The following SLC45A2 variants were observed in gnomAD, a reference collection of about 807,000 sequenced individuals.
SLC45A2 encodes solute carrier family 45 member 2.
In SLC45A2, 36 loss-of-function variants were observed where a neutral mutation model predicts 45.5. That is an observed-to-expected ratio of 0.79 (90% CI 0.61 to 1.04). The LOEUF is 1.04. Among genes scored for constraint, SLC45A2 ranks in the 50% least tolerant of loss-of-function variants. The pLI, the probability that SLC45A2 is intolerant of heterozygous loss-of-function variation, is 0.00. For missense variants in SLC45A2, 719 were observed against 671.0 expected, an observed-to-expected ratio of 1.07 and a Z score of -0.79; for synonymous variants, 306 against 269.3, an observed-to-expected ratio of 1.14 and a Z score of -1.33.
chr5:33,965,311 T>C (rs182241576), intron 2 of SLC45A2, among the ~76,000 whole-genome samples: 2 of 152,240 alleles, frequency 1.3e-5, no homozygotes, highest in East Asian at 3.8e-4. Context: ...CAAACCTGAA[T>C]GTCAAGTACC....
intron 2 of SLC45A2, 107 bp downstream of exon 2, chr5:33,982,129 G>T (rs1393271070): frequency 7.9e-7 from 1 of 1,263,692 alleles, no homozygotes; most frequent in East Asian, 2.3e-5. Context: ...CCCATCAGCT[G>T]ACCCGTTCAT....
intron 2 of SLC45A2, chr5:33,970,811 G>A (rs3776553): frequency 0.097 from 27,650 of 285,660 alleles, 3,284 homozygotes; most frequent in African/African-American, 0.35. Context: ...AGGAGTTTAT[G>A]TGATGGTTAG....
At chr5:33,972,823 G>A (rs555254017) in intron 2 of SLC45A2, among the ~76,000 whole-genome samples, 3 of 152,118 alleles carry the variant, frequency 2.0e-5, no homozygotes, top group Admixed American at 1.3e-4. Context: ...TGCTAATATC[G>A]CATTTATTGC....
At chr5:33,967,749 G>T (rs1339822577) in intron 2 of SLC45A2, among the ~76,000 whole-genome samples, 1 of 150,684 alleles carries the variant, frequency 6.6e-6, no homozygotes, top group Non-Finnish European at 1.5e-5. Flanking sequence ...GGTTAACCAG[G>T]TTCATATTTA....
intron 1 of SLC45A2, 112 bp from the exon 2 acceptor site, chr5:33,982,524 C>CT (rs1455612980): frequency 1.0e-5 from 11 of 1,102,756 alleles, no homozygotes; most frequent in Middle Eastern, 2.0e-4. Flanking sequence ...TTTTATTTTG[C>CT]TTTTTTCCAA....
At chr5:33,946,876 C>T in intron 6 of SLC45A2, 1 of 1,375,264 alleles carries the variant, frequency 7.3e-7, no homozygotes, top group Non-Finnish European at 9.4e-7. Flanking sequence ...GCTGGTTTCT[C>T]AGCCTCACCA....
chr5:33,952,451 T>C (rs1396915170), intron 4 of SLC45A2, among the ~76,000 whole-genome samples: 1 of 151,680 alleles, frequency 6.6e-6, no homozygotes, highest in Admixed American at 6.6e-5. Context: ...GAGTGATGCA[T>C]TTACGTGTCC....
chr5:33,982,313 G>A lies in SLC45A2; in HGVS notation c.485C>T (p.Pro162Leu). 1 of 1,614,106 alleles carries A rather than the reference G, an allele frequency of 6.2e-7. No homozygotes were observed. The highest frequency in any genetic ancestry group is 1.1e-5 in the South Asian group (1 of 91,078). ...FDFAADFIDG[P>L]IKAYLFDVCS... ...GACATCAAATAAGTAGGCTTTGATGGGCCCATCAATGAAGTCGGCAGCAAA... is the reference window on the plus strand; with the variant it reads ...GACATCAAATAAGTAGGCTTTGATGAGCCCATCAATGAAGTCGGCAGCAAA... The change falls in exon 2 of 7, where the codon CCC becomes CTC. Residue 162 changes from proline to leucine, a missense_variant. By Grantham distance (98) the Pro-to-Leu change is moderately conservative. Transcript: ENST00000296589.
At chr5:33,971,968 C>T (rs760086687) in intron 2 of SLC45A2, 10 of 441,986 alleles carry the variant, frequency 2.3e-5, no homozygotes, top group Non-Finnish European at 4.1e-5. Flanking sequence ...TGGGGTTTCA[C>T]CATGGTGCCC....
chr5:33,962,253 T>C (rs568501456), intron 3 of SLC45A2, among the ~76,000 whole-genome samples: 8 of 152,322 alleles, frequency 5.3e-5, no homozygotes, highest in African/African-American at 1.9e-4. Context: ...GACTGGACAT[T>C]TGTCAGTTTT....
chr5:33,953,535 G>A (rs1007737347), intron 4 of SLC45A2, among the ~76,000 whole-genome samples: 11 of 151,678 alleles, frequency 7.3e-5, no homozygotes, highest in African/African-American at 2.7e-4. Flanking sequence ...CACCAGGCCT[G>A]CCCTAAAAGA....
intron 5 of SLC45A2, among the ~76,000 whole-genome samples, chr5:33,948,047 C>T (rs1751990787): frequency 6.6e-6 from 1 of 152,214 alleles, no homozygotes; most frequent in African/African-American, 2.4e-5. Flanking sequence ...CTCAAAACCC[C>T]AGCTTCCTCA....
chr5:33,954,585 T>C, intron 3 of SLC45A2, 81 bp from the exon 4 acceptor site: 3 of 1,578,618 alleles, frequency 1.9e-6, no homozygotes, highest in Non-Finnish European at 2.6e-6. Flanking sequence ...CACAGACATG[T>C]TATGTATTTG....
chr5:33,972,384 C>G (rs1478353510), intron 2 of SLC45A2: 1 of 371,784 alleles, frequency 2.7e-6, no homozygotes, highest in East Asian at 6.9e-5. Context: ...AATGAACGAG[C>G]AAGATTAGAC....
chr5:33,960,997 T>C (rs553940381), intron 3 of SLC45A2, among the ~76,000 whole-genome samples: 1 of 152,124 alleles, frequency 6.6e-6, no homozygotes, highest in Non-Finnish European at 1.5e-5. Flanking sequence ...AAATAACACA[T>C]AGGCACACTT....
chr5:33,961,471 T>A (rs978632382), intron 3 of SLC45A2, among the ~76,000 whole-genome samples: 6 of 152,148 alleles, frequency 3.9e-5, no homozygotes, highest in East Asian at 1.9e-4. Context: ...TTAAAAAAAA[T>A]TTTTTATGTC....
chr5:33,983,316 T>C (rs1429032398), intron 1 of SLC45A2, among the ~76,000 whole-genome samples: 1 of 152,198 alleles, frequency 6.6e-6, no homozygotes, highest in African/African-American at 2.4e-5. Flanking sequence ...AAGAATAGCA[T>C]AGATTATATA....
intron 6 of SLC45A2, chr5:33,946,557 A>C: frequency 1.0e-6 from 1 of 990,628 alleles, no homozygotes; most frequent in Non-Finnish European, 1.2e-6. Flanking sequence ...GCGCTTGTTC[A>C]CTAGTTGCGT....
At chr5:33,951,507 A>G in intron 5 of SLC45A2, 47 bp downstream of exon 5, 2 of 1,613,328 alleles carry the variant, frequency 1.2e-6, no homozygotes, top group Non-Finnish European at 1.7e-6. Flanking sequence ...AAGTTGTGCT[A>G]GACCAGAAAC....
Sources: gnomAD v4.1 joint callset for allele counts (sites outside exome capture counted in the v4.1 genomes callset) on GRCh38, gnomAD v4.1.1 for gene constraint, MANE v1.5 for transcripts, NCBI Gene and HGNC (gene_info 2026-07-23, HGNC 2026-07-21) for gene names.